Variants in C1orf21 observed in about 807,000 individuals in gnomAD.
C1orf21 encodes uncharacterized protein C1orf21.
Under a neutral mutation model 18.7 loss-of-function variants are expected in C1orf21, and 3 were observed. The ratio of observed to expected loss-of-function variants is 0.16; its 90% CI spans 0.07 to 0.42. The LOEUF (loss-of-function observed/expected upper bound fraction) is 0.42. C1orf21 is among the 10% of genes least tolerant of loss of function. The pLI is 0.99. For missense variants in C1orf21, 104 were observed against 143.6 expected (o/e 0.72, Z 1.41); for synonymous variants, 41 against 46.4 (o/e 0.88, Z 0.47).
At chr1:184,463,111 A>C (rs957147737) in intron 1 of C1orf21, among the ~76,000 whole-genome samples, 17 of 151,248 alleles carry the variant, frequency 1.1e-4, no homozygotes, top group African/African-American at 4.1e-4. Flanking sequence ...AAGAAGAAGA[A>C]GAAGAATTAT....
At chr1:184,485,093 G>A (rs537206612) in intron 2 of C1orf21, among the ~76,000 whole-genome samples, 2 of 152,244 alleles carry the variant, frequency 1.3e-5, no homozygotes, top group South Asian at 4.1e-4. Flanking sequence ...TGCATTCAGC[G>A]AAGATGGATT....
chr1:184,587,450 C>G (rs996281857), intron 3 of C1orf21, among the ~76,000 whole-genome samples: 1 of 151,506 alleles, frequency 6.6e-6, no homozygotes, highest in African/African-American at 2.4e-5. Flanking sequence ...TGCGTCATCT[C>G]TCATTTCTTT....
intron 4 of C1orf21, among the ~76,000 whole-genome samples, chr1:184,597,012 T>C (rs1464833540): frequency 6.6e-6 from 1 of 152,056 alleles, no homozygotes; most frequent in Non-Finnish European, 1.5e-5. Context: ...CTTGAGACGG[T>C]GAAAACATAA....
At chr1:184,606,439 G>T (rs1274225640) in intron 5 of C1orf21, among the ~76,000 whole-genome samples, 2 of 152,148 alleles carry the variant, frequency 1.3e-5, no homozygotes, top group Non-Finnish European at 2.9e-5. Context: ...AATTAGCCAG[G>T]TATGGTGGCA....
At chr1:184,410,712 T>G (rs1280086126) in intron 1 of C1orf21, among the ~76,000 whole-genome samples, 4 of 114,434 alleles carry the variant, frequency 3.5e-5, no homozygotes, top group African/African-American at 1.5e-4. Flanking sequence ...TTGCCCAGGC[T>G]GGAGTGCAAT....
At chr1:184,480,850 AT>A (rs1218038625) in intron 2 of C1orf21, among the ~76,000 whole-genome samples, 5 of 152,228 alleles carry the variant, frequency 3.3e-5, no homozygotes, top group Non-Finnish European at 7.4e-5. Flanking sequence ...TTCGTGCTTA[AT>A]CTACTGGTGG....
chr1:184,458,543 T>G (rs1044650716), intron 1 of C1orf21, among the ~76,000 whole-genome samples: 1 of 152,230 alleles, frequency 6.6e-6, no homozygotes, highest in Admixed American at 6.5e-5. Context: ...ACATGTGTAC[T>G]GAATAGTAAA....
chr1:184,493,575 T>C (rs1657848265), intron 2 of C1orf21, among the ~76,000 whole-genome samples: 1 of 152,246 alleles, frequency 6.6e-6, no homozygotes, highest in Admixed American at 6.5e-5. Flanking sequence ...TATGCATGCC[T>C]CACTGTATAA....
At chr1:184,448,948 T>G (rs1309422574) in intron 1 of C1orf21, among the ~76,000 whole-genome samples, 1 of 152,218 alleles carries the variant, frequency 6.6e-6, no homozygotes, top group African/African-American at 2.4e-5. Flanking sequence ...CAAATCTTCC[T>G]GCCTAAATAT....
chr1:184,575,713 A>G (rs1659176911), intron 3 of C1orf21, among the ~76,000 whole-genome samples: 1 of 151,936 alleles, frequency 6.6e-6, no homozygotes, highest in South Asian at 2.1e-4. Flanking sequence ...AAAAAATTTT[A>G]ATACAAAGAG....
At chr1:184,593,537 C>G (rs1487317591) in intron 4 of C1orf21, among the ~76,000 whole-genome samples, 1 of 152,162 alleles carries the variant, frequency 6.6e-6, no homozygotes, top group Non-Finnish European at 1.5e-5. Context: ...GCATGTCATC[C>G]TCATACCTTC....
At chr1:184,396,754 C>T (rs1656056349) in intron 1 of C1orf21, among the ~76,000 whole-genome samples, 1 of 152,148 alleles carries the variant, frequency 6.6e-6, no homozygotes. Flanking sequence ...ACCTCCTCTC[C>T]TTGTCTGTAT....
intron 5 of C1orf21, among the ~76,000 whole-genome samples, chr1:184,614,206 A>G (rs770408419): frequency 2.0e-5 from 3 of 152,210 alleles, no homozygotes; most frequent in African/African-American, 7.2e-5. Flanking sequence ...TGTAAGAGCT[A>G]TAATTTATTA....
At chr1:184,510,536 G>C (rs980257826) in intron 3 of C1orf21, among the ~76,000 whole-genome samples, 1 of 152,166 alleles carries the variant, frequency 6.6e-6, no homozygotes, top group African/African-American at 2.4e-5. Context: ...TTTACGATGG[G>C]CCTCAAAGTA....
chr1:184,619,330 G>C (rs1553260203), intron 5 of C1orf21, among the ~76,000 whole-genome samples, 188 bp from the exon 6 acceptor site: 7 of 152,178 alleles, frequency 4.6e-5, no homozygotes, highest in Non-Finnish European at 4.4e-5. Context: ...ATGCCTTGAA[G>C]TATATATAGC....
At chr1:184,537,938 C>T (rs1333536213) in intron 3 of C1orf21, among the ~76,000 whole-genome samples, 2 of 152,122 alleles carry the variant, frequency 1.3e-5, no homozygotes, top group African/African-American at 2.4e-5. Context: ...AGTGAGCTAC[C>T]GCACCTAGAC....
At chr1:184,539,117 T>C (rs1424653139) in intron 3 of C1orf21, among the ~76,000 whole-genome samples, 1 of 152,198 alleles carries the variant, frequency 6.6e-6, no homozygotes, top group African/African-American at 2.4e-5. Flanking sequence ...CCATTGAGTA[T>C]GATGTTCACT....
intron 5 of C1orf21, among the ~76,000 whole-genome samples, chr1:184,606,432 T>A (rs924690425): frequency 7.2e-5 from 11 of 152,070 alleles, no homozygotes; most frequent in African/African-American, 2.7e-4. Context: ...AAATAAAAAT[T>A]AGCCAGGTAT....
intron 1 of C1orf21, among the ~76,000 whole-genome samples, chr1:184,472,396 A>G (rs1657508521): frequency 6.6e-6 from 1 of 152,050 alleles, no homozygotes; most frequent in South Asian, 2.1e-4. Flanking sequence ...TTGGCCTAGA[A>G]TTTCTTTATG....
Sources: allele counts gnomAD v4.1 joint callset (sites outside exome capture counted in the v4.1 genomes callset), GRCh38; gene constraint gnomAD v4.1.1; transcripts MANE v1.5; gene names NCBI Gene and HGNC (gene_info 2026-07-23, HGNC 2026-07-21).